JAZF1: variants seen among roughly 807,000 people sequenced by gnomAD.
The protein encoded by JAZF1 is juxtaposed with another zinc finger protein 1.
Under a neutral mutation model 26.4 loss-of-function variants are expected in JAZF1, and 8 were observed. The observed-to-expected ratio is 0.30, with a 90% confidence interval of 0.18 to 0.55. The LOEUF (loss-of-function observed/expected upper bound fraction) is 0.55, where lower values mean the gene tolerates loss of function less well. Among genes scored for constraint, JAZF1 ranks in the 20% least tolerant of loss-of-function variants. The probability of loss-of-function intolerance (pLI) is 0.94; values close to 1 mark genes in which losing one functional copy is unlikely to be tolerated. For missense variants in JAZF1, 199 were observed against 322.0 expected, an observed-to-expected ratio of 0.62 and a Z score of 2.92; for synonymous variants, 126 against 122.3, an observed-to-expected ratio of 1.03 and a Z score of -0.20.
chr7:27,848,334 T>C (rs1330622909), intron 3 of JAZF1, among the ~76,000 whole-genome samples: 2 of 152,238 alleles, frequency 1.3e-5, no homozygotes, highest in African/African-American at 4.8e-5. Context: ...TGTCTTGATT[T>C]CTTTTTCAGC....
At chr7:27,866,569 C>T (rs1783476724) in intron 3 of JAZF1, among the ~76,000 whole-genome samples, 1 of 152,216 alleles carries the variant, frequency 6.6e-6, no homozygotes, top group South Asian at 2.1e-4. Context: ...ACACAGTTAA[C>T]ACTATATTAG....
intron 3 of JAZF1, among the ~76,000 whole-genome samples, chr7:27,878,017 T>C (rs148860660): frequency 2.7e-4 from 41 of 152,338 alleles, no homozygotes; most frequent in Non-Finnish European, 5.3e-4. Flanking sequence ...GCTCCAGACA[T>C]GGACTCTGTA....
intron 1 of JAZF1, among the ~76,000 whole-genome samples, chr7:28,089,828 T>C (rs572272114): frequency 3.3e-5 from 5 of 152,342 alleles, no homozygotes; most frequent in Admixed American, 2.6e-4. Flanking sequence ...GAAGGTAGAA[T>C]TGGCAAGTGA....
chr7:28,164,817 T>C (rs1186786837), intron 1 of JAZF1, among the ~76,000 whole-genome samples: 4 of 152,180 alleles, frequency 2.6e-5, no homozygotes, highest in African/African-American at 9.7e-5. Flanking sequence ...ACTGAAGAAA[T>C]TTTTTAAAAG....
chr7:27,889,416 C>A (rs890105350), intron 3 of JAZF1, among the ~76,000 whole-genome samples: 10 of 152,224 alleles, frequency 6.6e-5, no homozygotes, highest in East Asian at 1.9e-4. Context: ...GATGATCCCA[C>A]GTCAAAGGTC....
rs148106327 is a variant in JAZF1, at chr7:27,994,012, ATTTC to A, written c.116-2035_116-2032del. Among the ~76,000 whole-genome samples, 722 of 152,266 alleles carry A rather than the reference ATTTC, an allele frequency of 4.7e-3. 3 individuals carry two copies. Among genetic ancestry groups the A allele is most frequent in the African/African-American group, 0.016 (685 of 41,556 alleles). On this transcript the variant is annotated intron_variant, in intron 1 of 4. Coordinates refer to ENST00000283928, the MANE Select transcript of JAZF1 (RefSeq NM_175061.4). ...TATTCCCACAAACCATCTTCTAAAG[ATTTC>A]TTTTTTTCTCAAATTATATAATTTC... is the stretch of plus-strand genomic sequence containing the variant.
intron 3 of JAZF1, among the ~76,000 whole-genome samples, chr7:27,847,626 G>C (rs1938455949): frequency 6.6e-6 from 1 of 152,096 alleles, no homozygotes; most frequent in South Asian, 2.1e-4. Flanking sequence ...TGGTCTATGT[G>C]GCTGATTTCA....
intron 1 of JAZF1, among the ~76,000 whole-genome samples, chr7:28,015,071 G>T (rs1274245283): frequency 6.7e-6 from 1 of 148,376 alleles, no homozygotes; most frequent in East Asian, 1.9e-4. Flanking sequence ...GTGTGTAGGG[G>T]TAGGGGGCAG....
chr7:27,959,955 A>T (rs910305207), intron 2 of JAZF1, among the ~76,000 whole-genome samples: 2 of 151,958 alleles, frequency 1.3e-5, no homozygotes, highest in African/African-American at 4.8e-5. Flanking sequence ...AGTGCATGAT[A>T]CTCAGATCAG....
intron 3 of JAZF1, among the ~76,000 whole-genome samples, chr7:27,888,430 C>T (rs1402631575): frequency 6.6e-6 from 1 of 152,032 alleles, no homozygotes. Flanking sequence ...TTTGTCCTTA[C>T]TAAGCCTATT....
At chr7:28,168,965 C>T (rs1270142359) in intron 1 of JAZF1, among the ~76,000 whole-genome samples, 1 of 152,214 alleles carries the variant, frequency 6.6e-6, no homozygotes, top group Non-Finnish European at 1.5e-5. Flanking sequence ...CCCAGCTTCA[C>T]CCAAGTGATT....
intron 1 of JAZF1, among the ~76,000 whole-genome samples, chr7:27,997,673 T>A (rs1290287677): frequency 6.6e-6 from 1 of 152,078 alleles, no homozygotes; most frequent in Non-Finnish European, 1.5e-5. Context: ...GCTCAAGATA[T>A]CCTCCTGCCT....
At chr7:27,842,388 C>T (rs545140431) in intron 3 of JAZF1, 2 of 152,310 alleles carry the variant, frequency 1.3e-5, no homozygotes, top group East Asian at 3.9e-4. Flanking sequence ...GTGCCAGGCT[C>T]TTCTGAGGGG....
intron 1 of JAZF1, among the ~76,000 whole-genome samples, chr7:28,164,093 G>A (rs1783330253): frequency 6.6e-6 from 1 of 152,192 alleles, no homozygotes; most frequent in African/African-American, 2.4e-5. Context: ...ACTAGCTGCT[G>A]CCCCTTCAGC....
At chr7:28,100,458 A>T (rs1784456534) in intron 1 of JAZF1, among the ~76,000 whole-genome samples, 1 of 152,098 alleles carries the variant, frequency 6.6e-6, no homozygotes, top group Non-Finnish European at 1.5e-5. Flanking sequence ...TATAATCCCT[A>T]TTAAATGAGG....
chr7:27,897,223 G>A (rs1784083501), intron 2 of JAZF1, among the ~76,000 whole-genome samples: 1 of 152,154 alleles, frequency 6.6e-6, no homozygotes, highest in Non-Finnish European at 1.5e-5. Flanking sequence ...GTTCTCGAGG[G>A]TTAAGTAATT....
chr7:28,071,319 G>T (rs773528696), intron 1 of JAZF1, among the ~76,000 whole-genome samples: 1 of 152,100 alleles, frequency 6.6e-6, no homozygotes, highest in Non-Finnish European at 1.5e-5. Flanking sequence ...TATGCACCAG[G>T]ACAAAGACCT....
intron 2 of JAZF1, among the ~76,000 whole-genome samples, chr7:27,911,026 T>C (rs1298573819): frequency 1.3e-5 from 2 of 152,230 alleles, no homozygotes; most frequent in Non-Finnish European, 2.9e-5. Context: ...TAGGAGAATC[T>C]TGTCAGACCC....
chr7:28,031,890 A>G (rs983967856), intron 1 of JAZF1, among the ~76,000 whole-genome samples: 1 of 152,034 alleles, frequency 6.6e-6, no homozygotes. Context: ...CTTTAAAACA[A>G]AGAAAAGAAA....
Sources: allele counts gnomAD v4.1 joint callset (sites outside exome capture counted in the v4.1 genomes callset), GRCh38; gene constraint gnomAD v4.1.1; transcripts MANE v1.5; gene names NCBI Gene and HGNC (gene_info 2026-07-23, HGNC 2026-07-21).